LIMS2: variants seen among roughly 807,000 people sequenced by gnomAD.
LIMS2 encodes the protein LIM and senescent cell antigen-like-containing domain protein 2.
In LIMS2, 30 loss-of-function variants were observed where a neutral mutation model predicts 45.3. That is an observed-to-expected ratio of 0.66 (90% CI 0.50 to 0.90). The LOEUF is 0.90. LIMS2 is among the 40% of genes least tolerant of loss of function. The pLI, the probability that LIMS2 is intolerant of heterozygous loss-of-function variation, is 0.00. For synonymous variants in LIMS2, 173 were observed against 188.0 expected, an observed-to-expected ratio of 0.92 and a Z score of 0.65; for missense variants, 485 against 468.7, an observed-to-expected ratio of 1.03 and a Z score of -0.32.
In LIMS2 at chr2:127,673,709, C is replaced by T. The variant is rs991541495; in HGVS notation, c.11+1305G>A. The T allele has an allele frequency of 4.4e-5, 69 of 1,551,544 alleles. No individual in the cohort carries two copies. In the East Asian group the frequency reaches 6.8e-4, roughly 15 times the overall value. On this transcript the variant is annotated intron_variant, in intron 1 of 9. Transcript: ENST00000355119. ...CTCAATGCTGCTGCTGGGGCTGCTC[C>T]GGACCCTGTTCCTGTCTCTCCCCAC...
At chr2:127,681,640 CACAAA>C (rs1420919318) in exon 1 of LIMS2, 2 of 152,188 alleles carry the variant, frequency 1.3e-5, no homozygotes, top group Non-Finnish European at 2.9e-5. Context: ...GAGCCAGGCC[CACAAA>C]ACAAAAGGAG....
chr2:127,678,370 A>G (rs1685545933), upstream of LIMS2, among the ~76,000 whole-genome samples: 1 of 152,074 alleles, frequency 6.6e-6, no homozygotes, highest in Non-Finnish European at 1.5e-5. This position sits in a 1 kb window ranked among gnomAD's most constrained non-coding sequence, Gnocchi z 5.3. Flanking sequence ...TTAATGGGAG[A>G]ATCTAGGTGG....
chr2:127,649,181 A>AAGGT (rs1298393617), intron 4 of LIMS2, among the ~76,000 whole-genome samples: 1 of 117,322 alleles, frequency 8.5e-6, no homozygotes, highest in African/African-American at 4.8e-5. Flanking sequence ...GGAAGGAAGG[A>AAGGT]AGGAAGGAAG....
At chr2:127,643,961 G>A (rs1046177633) in intron 4 of LIMS2, 1 of 436,702 alleles carries the variant, frequency 2.3e-6, no homozygotes, top group Non-Finnish European at 4.6e-6. Context: ...GGTCAGGGAG[G>A]ATACGGAAGA....
rs758283225 is a variant in LIMS2, at chr2:127,650,116, C to T, written c.359+4308G>A. On this transcript the variant is annotated intron_variant, in intron 4 of 9. Coordinates refer to ENST00000355119, the MANE Select transcript of LIMS2 (RefSeq NM_001161403.3). Reference sequence around the variant, plus strand: ...AGACCTCTGACGTCCCAGGGTACAGCCCTTGCTGCCATCCTGGGGGCACCC... The same window carrying T: ...AGACCTCTGACGTCCCAGGGTACAGTCCTTGCTGCCATCCTGGGGGCACCC... 12 of 1,549,796 alleles carry T rather than the reference C, an allele frequency of 7.7e-6. No homozygotes were observed. The East Asian group carries it at 2.6e-4, about 33-fold the overall frequency.
At chr2:127,643,498 C>G (rs1426412232) in intron 4 of LIMS2, 4 of 457,076 alleles carry the variant, frequency 8.8e-6, no homozygotes, top group Admixed American at 4.7e-5. Context: ...CACTCACCCC[C>G]TTCCTTCGGG....
intron 4 of LIMS2, among the ~76,000 whole-genome samples, chr2:127,649,187 G>GGAAGGAAGGAAA (rs1558878468): frequency 8.6e-5 from 13 of 150,980 alleles, no homozygotes; most frequent in Middle Eastern, 3.4e-3. Flanking sequence ...AAGGAAGGAA[G>GGAAGGAAGGAAA]GAAGGAAGGA....
At position 127,642,735 on chromosome 2, in the gene LIMS2, T is replaced by A. The variant is rs1410755716; in HGVS notation, c.509+188A>T. 4.7e-6 allele frequency: 3 copies of A among 642,008 alleles called. No homozygotes were observed. Among genetic ancestry groups the A allele is most frequent in the Non-Finnish European group, 7.9e-6 (3 of 379,498 alleles). The allele number at this position is 642,008 out of a possible 1,614,324, so 39.8% of individuals were successfully genotyped here. On this transcript the variant is annotated intron_variant, in intron 5 of 9. Transcript: ENST00000355119. The surrounding 1 kb of genome is among the most constrained non-coding windows in gnomAD (Gnocchi z 5.3). ...CAGAGCCCTGGAGAGAGAAGCTTCCTGCCATGGCTGCTTCCCAGCCCCCAG... is the reference window on the plus strand; with the variant it reads ...CAGAGCCCTGGAGAGAGAAGCTTCCAGCCATGGCTGCTTCCCAGCCCCCAG...
chr2:127,640,406 G>C, intron 7 of LIMS2, 88 bp from the exon 8 acceptor site: 1 of 1,410,314 alleles, frequency 7.1e-7, no homozygotes, highest in Non-Finnish European at 9.9e-7. Context: ...CCTCCAACAC[G>C]GCCCCTCTCA....
At position 127,649,165 on chromosome 2, in the gene LIMS2, T is replaced by TAGGAAGGAAGGAAGGAAGGA. The variant is rs376330379; in HGVS notation, c.359+5239_359+5258dup. Among the ~76,000 whole-genome samples the TAGGAAGGAAGGAAGGAAGGA allele has an allele frequency of 6.5e-3, 873 of 134,302 alleles. 5 individuals are homozygous for TAGGAAGGAAGGAAGGAAGGA. Among genetic ancestry groups the TAGGAAGGAAGGAAGGAAGGA allele is most frequent in the African/African-American group, 0.02 (724 of 36,620 alleles). The allele number at this position is 134,302 out of a possible 152,430, so 88.1% of individuals were successfully genotyped here. On this transcript the variant is annotated intron_variant, in intron 4 of 9. Coordinates refer to ENST00000355119, the MANE Select transcript of LIMS2 (RefSeq NM_001161403.3). Reference sequence around the variant, plus strand: ...AAGCGAAGTGAGAGAGAGAGGAAGGTAGGAAGGAAGGAAGGAAGGAAGGAA... The same window carrying TAGGAAGGAAGGAAGGAAGGA: ...AAGCGAAGTGAGAGAGAGAGGAAGGTAGGAAGGAAGGAAGGAAGGAAGGAAGGAAGGAAGGAAGGAAGGAA...
chr2:127,675,780 C>T (rs1453455201), upstream of LIMS2, among the ~76,000 whole-genome samples: 1 of 152,184 alleles, frequency 6.6e-6, no homozygotes, highest in East Asian at 1.9e-4. Flanking sequence ...TCCCGAGGCA[C>T]CCGGGACCGC....
At position 127,667,223 on chromosome 2, in the gene LIMS2, G is replaced by A. The variant is rs1006674389; in HGVS notation, c.11+7791C>T. On this transcript the variant is annotated intron_variant, in intron 1 of 9. Coordinates refer to ENST00000355119, the MANE Select transcript of LIMS2 (RefSeq NM_001161403.3). This position sits in a 1 kb window ranked among gnomAD's most constrained non-coding sequence, Gnocchi z 4.1. ...GGAGAATCACTTGAACCTGGAAGGC[G>A]GAGGTTGCAGTGAGCTGAGATCACG... Among the ~76,000 whole-genome samples, 8 of 152,246 alleles carry A rather than the reference G, an allele frequency of 5.3e-5. No homozygotes were observed. The highest frequency in any genetic ancestry group is 1.9e-4 in the African/African-American group (8 of 41,524).
At chr2:127,674,545 C>A in intron 1 of LIMS2, 2 of 840,820 alleles carry the variant, frequency 2.4e-6, no homozygotes, top group Non-Finnish European at 2.9e-6. Context: ...TCCAACATAC[C>A]CTTCAACATT....
intron 4 of LIMS2, chr2:127,652,104 C>T (rs181256672): frequency 3.6e-5 from 11 of 303,320 alleles, no homozygotes; most frequent in Admixed American, 1.9e-4. Flanking sequence ...AATCGCTCAT[C>T]GGCGAGGCTC....
At chr2:127,679,442 T>C (rs1685568081), upstream of LIMS2, among the ~76,000 whole-genome samples, 1 of 126,398 alleles carries the variant, frequency 7.9e-6, no homozygotes, top group African/African-American at 3.6e-5. This position sits in a 1 kb window ranked among gnomAD's most constrained non-coding sequence, Gnocchi z 5.3. Context: ...TAGTCTTCGC[T>C]GGGGGACAGT....
chr2:127,663,671 G>A (rs73954691), intron 1 of LIMS2, among the ~76,000 whole-genome samples: 2 of 123,194 alleles, frequency 1.6e-5, no homozygotes, highest in Non-Finnish European at 3.4e-5. Context: ...CTCCTCCCCA[G>A]GGTCCCTATC....
At chr2:127,649,470 G>A (rs1160582739) in intron 4 of LIMS2, among the ~76,000 whole-genome samples, 3 of 152,240 alleles carry the variant, frequency 2.0e-5, no homozygotes, top group Non-Finnish European at 4.4e-5. Context: ...CAGAAGCTGT[G>A]CCATCATCAG....
rs775963174 is a variant in LIMS2 at position 127,640,062 on chromosome 2, G to A, written c.878+8C>T. 1 of 1,613,212 alleles carries A rather than the reference G, an allele frequency of 6.2e-7. No individual in the cohort carries two copies. The highest frequency in any genetic ancestry group is 1.1e-5 in the South Asian group (1 of 91,074). On this transcript the variant is annotated splice_region_variant and intron_variant, in intron 9 of 9. Transcript: ENST00000355119. Reference sequence around the variant, plus strand: ...CCTGAGCCCCATCCCACGATCACAGGGACTCACTTCAGGGTGAGCTTGCTG... The same window carrying A: ...CCTGAGCCCCATCCCACGATCACAGAGACTCACTTCAGGGTGAGCTTGCTG...
chr2:127,639,639 T>C (rs953062344), intron 9 of LIMS2, among the ~76,000 whole-genome samples: 1 of 152,108 alleles, frequency 6.6e-6, no homozygotes, highest in Non-Finnish European at 1.5e-5. Context: ...TCTCTCAGGT[T>C]CTGAAACCCC....
Sources: gnomAD v4.1 joint callset for allele counts (sites outside exome capture counted in the v4.1 genomes callset) on GRCh38, gnomAD v4.1.1 for gene constraint, Gnocchi (gnomAD v3.1) non-coding constraint, MANE v1.5 for transcripts, NCBI Gene and HGNC (gene_info 2026-07-23, HGNC 2026-07-21) for gene names.